Variants in CACNA2D1 observed in about 807,000 individuals in gnomAD.
CACNA2D1 encodes the protein voltage-dependent calcium channel subunit alpha-2/delta-1.
In CACNA2D1, 53 loss-of-function variants were observed where a neutral mutation model predicts 171.5. That is an observed-to-expected ratio of 0.31 (90% CI 0.25 to 0.39). The LOEUF (loss-of-function observed/expected upper bound fraction) is 0.39. CACNA2D1 is among the 10% of genes least tolerant of loss of function. The pLI, the probability that CACNA2D1 is intolerant of heterozygous loss-of-function variation, is 1.00. For synonymous variants in CACNA2D1, 442 were observed against 443.1 expected (o/e 1.00, Z 0.03); for missense variants, 903 against 1,299.8 (o/e 0.69, Z 4.69).
At chr7:81,964,172 C>G in intron 33 of CACNA2D1, 35 bp downstream of exon 33, 1 of 1,611,682 alleles carries the variant, frequency 6.2e-7, no homozygotes, top group South Asian at 1.1e-5. Flanking sequence ...CTTGAGTACC[C>G]CTTGAGAATT....
intron 3 of CACNA2D1, among the ~76,000 whole-genome samples, chr7:82,223,514 G>C (rs1459181636): frequency 1.3e-5 from 2 of 152,162 alleles, no homozygotes; most frequent in East Asian, 1.9e-4. Context: ...GAAAGACAGA[G>C]AGCATCAGGG....
intron 4 of CACNA2D1, among the ~76,000 whole-genome samples, chr7:82,163,900 A>G (rs1795191937): frequency 6.6e-6 from 1 of 152,020 alleles, no homozygotes; most frequent in African/African-American, 2.4e-5. Context: ...TCATAGAAGC[A>G]GAGAAAGACA....
chr7:82,157,903 A>G (rs1794529851), intron 4 of CACNA2D1, among the ~76,000 whole-genome samples: 1 of 152,018 alleles, frequency 6.6e-6, no homozygotes, highest in Admixed American at 6.6e-5. Flanking sequence ...CTAAGGTAAC[A>G]AACTCCAACA....
chr7:82,373,929 A>G (rs1822716234), intron 1 of CACNA2D1, among the ~76,000 whole-genome samples: 2 of 152,236 alleles, frequency 1.3e-5, no homozygotes, highest in Non-Finnish European at 2.9e-5. Context: ...ATAGTTTCAA[A>G]CAATACAATC....
rs543675645 is a variant in CACNA2D1, at chr7:82,110,216, C to T, written c.526+6828G>A. 2.0e-5 allele frequency among the ~76,000 whole-genome samples: 3 copies of T among 152,276 alleles called. No individual in the cohort carries two copies. The South Asian group carries it at 6.2e-4, about 32-fold the overall frequency. On this transcript the variant is annotated intron_variant, in intron 6 of 38. Coordinates refer to ENST00000356860, the MANE Select transcript of CACNA2D1 (RefSeq NM_000722.4). ...ATGTTATGGATTGGATGTTTGTATA[C>T]TCCCAAAATTCATATGTTGAAGCCC...
chr7:82,371,832 T>C (rs1822454248), intron 1 of CACNA2D1, among the ~76,000 whole-genome samples: 1 of 152,188 alleles, frequency 6.6e-6, no homozygotes, highest in African/African-American at 2.4e-5. Context: ...TGCAAAGTGC[T>C]GGGATTACAG....
intron 7 of CACNA2D1, among the ~76,000 whole-genome samples, chr7:82,081,489 C>T (rs1266866414): frequency 2.0e-5 from 3 of 152,146 alleles, no homozygotes; most frequent in Non-Finnish European, 4.4e-5. Flanking sequence ...AACTAAAATC[C>T]ATTCAAGTGT....
rs757580626 is a variant in CACNA2D1 at position 82,244,951 on chromosome 7, C to T, written c.295-74342G>A. Among the ~76,000 whole-genome samples the T allele has an allele frequency of 5.6e-4, 85 of 152,128 alleles. 2 individuals are homozygous for T. Among genetic ancestry groups the T allele is most frequent in the Non-Finnish European group, 6.5e-4 (44 of 68,026 alleles). Reference sequence around the variant, plus strand: ...CAACTACTAGTATTATTTTAAAATGCATAATTTTAACCATATTCCACTGCT... The same window carrying T: ...CAACTACTAGTATTATTTTAAAATGTATAATTTTAACCATATTCCACTGCT... On this transcript the variant is annotated intron_variant, in intron 3 of 38. Coordinates refer to ENST00000356860, the MANE Select transcript of CACNA2D1 (RefSeq NM_000722.4).
At chr7:82,311,807 A>G (rs1036972444) in intron 3 of CACNA2D1, among the ~76,000 whole-genome samples, 1 of 152,226 alleles carries the variant, frequency 6.6e-6, no homozygotes, top group African/African-American at 2.4e-5. Context: ...TCTGCTTTGA[A>G]GCACTGGGAC....
intron 4 of CACNA2D1, among the ~76,000 whole-genome samples, chr7:82,159,608 T>A (rs1409063888): frequency 6.6e-6 from 1 of 151,526 alleles, no homozygotes; most frequent in African/African-American, 2.4e-5. Context: ...AAAATGGTGA[T>A]GAGAGATCTC....
chr7:82,409,255 T>G (rs892177306), intron 1 of CACNA2D1, among the ~76,000 whole-genome samples: 1 of 152,156 alleles, frequency 6.6e-6, no homozygotes, highest in Non-Finnish European at 1.5e-5. Context: ...GAAAGTCTTG[T>G]GACTTTTTTT....
intron 4 of CACNA2D1, among the ~76,000 whole-genome samples, chr7:82,158,445 C>G (rs1170509900): frequency 6.8e-6 from 1 of 147,262 alleles, no homozygotes; most frequent in Non-Finnish European, 1.5e-5. Context: ...GATTCCACTA[C>G]AAAGCAAACA....
At chr7:82,090,262 T>TA (rs760721756) in intron 6 of CACNA2D1, among the ~76,000 whole-genome samples, 1 of 152,108 alleles carries the variant, frequency 6.6e-6, no homozygotes, top group Non-Finnish European at 1.5e-5. Context: ...CCCTTACCTA[T>TA]AGCTTTCTAA....
chr7:82,143,734 T>A (rs1792663455), intron 4 of CACNA2D1, among the ~76,000 whole-genome samples: 1 of 152,132 alleles, frequency 6.6e-6, no homozygotes, highest in African/African-American at 2.4e-5. Context: ...CACCTCCACA[T>A]ATCAATCATC....
At chr7:82,325,453 G>A (rs1816532048) in intron 3 of CACNA2D1, among the ~76,000 whole-genome samples, 1 of 151,142 alleles carries the variant, frequency 6.6e-6, no homozygotes, top group South Asian at 2.1e-4. Context: ...GAGCCCAGTA[G>A]AGCATTAATA....
intron 3 of CACNA2D1, among the ~76,000 whole-genome samples, chr7:82,288,686 C>A (rs1396517954): frequency 1.3e-5 from 2 of 152,188 alleles, no homozygotes; most frequent in African/African-American, 4.8e-5. Context: ...TGAAGCTCTT[C>A]GTAATTTCCC....
intron 38 of CACNA2D1, among the ~76,000 whole-genome samples, chr7:81,950,865 G>T (rs1792435801): frequency 6.6e-6 from 1 of 151,980 alleles, no homozygotes. Flanking sequence ...TTAATAGTAG[G>T]TTTTATAATT....
chr7:82,441,664 G>A (rs970915876), intron 1 of CACNA2D1, among the ~76,000 whole-genome samples: 3 of 152,074 alleles, frequency 2.0e-5, no homozygotes, highest in Non-Finnish European at 4.4e-5. Flanking sequence ...TTTTGTTGTA[G>A]TTTTCCCCAA....
chr7:81,989,691 C>G (rs1797335730), intron 21 of CACNA2D1, among the ~76,000 whole-genome samples: 1 of 152,152 alleles, frequency 6.6e-6, no homozygotes. Context: ...TCACTTTTAG[C>G]TGTATGGGTG....
Sources: allele counts gnomAD v4.1 joint callset (sites outside exome capture counted in the v4.1 genomes callset), GRCh38; gene constraint gnomAD v4.1.1; transcripts MANE v1.5; gene names NCBI Gene and HGNC (gene_info 2026-07-23, HGNC 2026-07-21).